GULP1: variants seen among roughly 807,000 people sequenced by gnomAD.
GULP1 encodes the protein PTB domain-containing engulfment adapter protein 1.
A neutral mutation model predicts 40.9 loss-of-function variants in GULP1; 19 were observed. The ratio of observed to expected loss-of-function variants is 0.46; its 90% CI spans 0.32 to 0.68. The LOEUF is 0.68. Ranked by LOEUF, GULP1 falls within the 30% of genes least tolerant of loss-of-function variation. The pLI, the probability that GULP1 is intolerant of heterozygous loss-of-function variation, is 0.03. For missense variants in GULP1, 312 were observed against 362.2 expected, an observed-to-expected ratio of 0.86 and a Z score of 1.12; for synonymous variants, 119 against 117.6, an observed-to-expected ratio of 1.01 and a Z score of -0.08.
chr2:188,559,699 G>A (rs1240821994), intron 7 of GULP1, among the ~76,000 whole-genome samples: 1 of 152,170 alleles, frequency 6.6e-6, no homozygotes, highest in African/African-American at 2.4e-5. Flanking sequence ...TTTGAAATGT[G>A]AGGACATGAG....
chr2:188,494,484 T>C (rs2062708342), intron 4 of GULP1, among the ~76,000 whole-genome samples: 1 of 151,974 alleles, frequency 6.6e-6, no homozygotes, highest in African/African-American at 2.4e-5. Flanking sequence ...TAACAATTGG[T>C]AAATGCTGAC....
chr2:188,490,412 C>T (rs1271711466), intron 4 of GULP1, among the ~76,000 whole-genome samples: 1 of 152,082 alleles, frequency 6.6e-6, no homozygotes, highest in Non-Finnish European at 1.5e-5. Flanking sequence ...GTGTCTGCCA[C>T]TTGTATATGT....
intron 1 of GULP1, among the ~76,000 whole-genome samples, chr2:188,373,680 T>G (rs1472382027): frequency 2.0e-5 from 3 of 152,010 alleles, no homozygotes; most frequent in Non-Finnish European, 2.9e-5. Context: ...AATGATTTAC[T>G]TAGCTATTGT....
At chr2:188,393,865 T>C (rs75144441) in intron 2 of GULP1, among the ~76,000 whole-genome samples, 4,715 of 152,292 alleles carry the variant, frequency 0.031, 127 homozygotes, top group Non-Finnish European at 0.045. Context: ...CCCTCCTGCC[T>C]GGTAAGGTTT....
chr2:188,385,298 C>G (rs2049550728), intron 2 of GULP1, among the ~76,000 whole-genome samples: 1 of 152,188 alleles, frequency 6.6e-6, no homozygotes, highest in African/African-American at 2.4e-5. Flanking sequence ...AGACTTGGGG[C>G]TTGCACCCTC....
intron 2 of GULP1, among the ~76,000 whole-genome samples, chr2:188,471,496 A>G (rs2060589500): frequency 1.3e-5 from 2 of 151,922 alleles, no homozygotes; most frequent in South Asian, 4.2e-4. Context: ...GTCTGGTGAT[A>G]TGATTTAGTT....
At chr2:188,499,436 C>T (rs1420293251) in intron 4 of GULP1, among the ~76,000 whole-genome samples, 1 of 151,424 alleles carries the variant, frequency 6.6e-6, no homozygotes, top group Non-Finnish European at 1.5e-5. Context: ...ATGAAAAACT[C>T]ATCTCCTGAA....
chr2:188,298,001 G>T (rs2035353496), intron 1 of GULP1, among the ~76,000 whole-genome samples: 1 of 152,010 alleles, frequency 6.6e-6, no homozygotes, highest in Non-Finnish European at 1.5e-5. Flanking sequence ...CATTTACCCA[G>T]ATTTCAACCT....
chr2:188,518,700 A>G (rs750376561), intron 4 of GULP1, among the ~76,000 whole-genome samples: 42 of 152,184 alleles, frequency 2.8e-4, no homozygotes, highest in Non-Finnish European at 5.4e-4. Flanking sequence ...AGCAGGCACC[A>G]GTTGTGTCCA....
chr2:188,561,659 G>A (rs1696313455), intron 7 of GULP1, among the ~76,000 whole-genome samples: 1 of 152,144 alleles, frequency 6.6e-6, no homozygotes, highest in Non-Finnish European at 1.5e-5. Context: ...GCAGGGGCAG[G>A]GCAATTCTCA....
At chr2:188,490,126 G>T (rs572264539) in intron 4 of GULP1, among the ~76,000 whole-genome samples, 1 of 151,928 alleles carries the variant, frequency 6.6e-6, no homozygotes, top group Non-Finnish European at 1.5e-5. Context: ...TTTAAAAAAG[G>T]CAGTATATGT....
chr2:188,486,049 A>G (rs1255186367), intron 4 of GULP1, among the ~76,000 whole-genome samples: 1 of 152,064 alleles, frequency 6.6e-6, no homozygotes, highest in South Asian at 2.1e-4. Flanking sequence ...CTGATCTCAT[A>G]CAAGTATTAA....
intron 2 of GULP1, among the ~76,000 whole-genome samples, chr2:188,420,059 G>A (rs2055171415): frequency 6.6e-6 from 1 of 152,082 alleles, no homozygotes; most frequent in Non-Finnish European, 1.5e-5. Flanking sequence ...CTATATATCT[G>A]TCTTTGCTCT....
intron 1 of GULP1, among the ~76,000 whole-genome samples, chr2:188,309,610 G>T (rs1280308534): frequency 6.6e-6 from 1 of 152,166 alleles, no homozygotes; most frequent in African/African-American, 2.4e-5. Flanking sequence ...GAAAGGCTGA[G>T]TAACTACGGA....
Position 188,529,147 on chromosome 2 carries a change from G to T in GULP1, c.213G>T (p.Glu71Asp). The T allele has an allele frequency of 1.3e-6, 2 of 1,590,008 alleles. No individual in the cohort carries two copies. The highest frequency in any genetic ancestry group is 2.3e-5 in the South Asian group (2 of 87,514). ...KSEGQKIPKV[E>D]LQISIYGVKI... Reference sequence around the variant, plus strand: ...AAGGCCAGAAAATTCCTAAAGTGGAGTTGCAAATATCAATTTATGGAGTAA... The same window carrying T: ...AAGGCCAGAAAATTCCTAAAGTGGATTTGCAAATATCAATTTATGGAGTAA... Residue 71 changes from glutamate (E) to aspartate (D), a missense_variant, in exon 6 of 12, where the codon GAG becomes GAT. By Grantham distance (45) the Glu-to-Asp change is conservative. Transcript: ENST00000409830.
intron 1 of GULP1, among the ~76,000 whole-genome samples, chr2:188,323,239 T>C (rs2040255840): frequency 6.6e-6 from 1 of 152,150 alleles, no homozygotes; most frequent in Non-Finnish European, 1.5e-5. Flanking sequence ...ATTGCCATTG[T>C]ACTTCCTGCG....
intron 4 of GULP1, among the ~76,000 whole-genome samples, chr2:188,491,149 G>T (rs922174624): frequency 6.6e-6 from 1 of 151,934 alleles, no homozygotes; most frequent in Non-Finnish European, 1.5e-5. Context: ...AGAAAGAAAA[G>T]AAAGGACTGA....
chr2:188,437,495 A>T (rs899148590), intron 2 of GULP1, among the ~76,000 whole-genome samples: 8 of 152,130 alleles, frequency 5.3e-5, no homozygotes, highest in Non-Finnish European at 8.8e-5. Context: ...TGAGATTTTT[A>T]AAAAATGTAT....
intron 10 of GULP1, among the ~76,000 whole-genome samples, chr2:188,584,793 G>A (rs1702021752): frequency 6.6e-6 from 1 of 151,718 alleles, no homozygotes; most frequent in Admixed American, 6.6e-5. Flanking sequence ...TTATCATAGG[G>A]TTTATGGACT....
Sources: allele counts gnomAD v4.1 joint callset (sites outside exome capture counted in the v4.1 genomes callset), GRCh38; gene constraint gnomAD v4.1.1; transcripts MANE v1.5; gene names NCBI Gene and HGNC (gene_info 2026-07-23, HGNC 2026-07-21).